FRMPD1: variants seen among roughly 807,000 people sequenced by gnomAD.
FRMPD1 encodes the protein FERM and PDZ domain-containing protein 1.
A neutral mutation model predicts 117.8 loss-of-function variants in FRMPD1; 76 were observed. That is an observed-to-expected ratio of 0.65 (90% CI 0.54 to 0.78). The LOEUF (loss-of-function observed/expected upper bound fraction) is 0.78. Ranked by LOEUF, FRMPD1 falls within the 30% of genes least tolerant of loss-of-function variation. The probability of loss-of-function intolerance (pLI) is 0.00; values close to 1 mark genes in which losing one functional copy is unlikely to be tolerated. For synonymous variants in FRMPD1, 783 were observed against 770.4 expected, an observed-to-expected ratio of 1.02 and a Z score of -0.27; for missense variants, 1,786 against 1,964.5, an observed-to-expected ratio of 0.91 and a Z score of 1.72.
In FRMPD1 at chr9:37,736,877, GTA is replaced by G. The variant is rs1554669318; in HGVS notation, c.1402-217_1402-216del. Among the ~76,000 whole-genome samples the G allele has an allele frequency of 6.2e-3, 864 of 138,546 alleles. 9 individuals carry two copies. The highest frequency in any genetic ancestry group is 0.022 in the African/African-American group (843 of 38,296). 90.9% of individuals were successfully genotyped at this position (138,546 alleles called of 152,430 possible). On this transcript the variant is annotated intron_variant, in intron 13 of 15. Coordinates refer to ENST00000377765, the MANE Select transcript of FRMPD1 (RefSeq NM_014907.3). ...CGTGAGAGTGTGTGTGTGTGTGTGT[GTA>G]TGTGTGCGCACACACACACGCGATG...
At chr9:37,670,441 A>C (rs1821312229) in intron 1 of FRMPD1, among the ~76,000 whole-genome samples, 1 of 152,226 alleles carries the variant, frequency 6.6e-6, no homozygotes, top group Admixed American at 6.5e-5. Context: ...ATTTAGACGA[A>C]GCTTAAAAGG....
chr9:37,695,212 A>T (rs1476735782), intron 2 of FRMPD1, among the ~76,000 whole-genome samples: 6 of 152,212 alleles, frequency 3.9e-5, no homozygotes, highest in African/African-American at 1.4e-4. Context: ...CTCTGTGTTT[A>T]GTCTTTTGAG....
intron 1 of FRMPD1, among the ~76,000 whole-genome samples, chr9:37,679,318 A>G (rs964156973): frequency 6.6e-6 from 1 of 152,104 alleles, no homozygotes; most frequent in African/African-American, 2.4e-5. Context: ...TAACCCCATC[A>G]CTTTTCTTTT....
At chr9:37,617,112 C>T in the FRMPD1 span, among the ~76,000 whole-genome samples, 8 of 152,358 alleles carry the variant, frequency 5.3e-5, no homozygotes, top group South Asian at 4.1e-4. Flanking sequence ...CTCTATCCTA[C>T]GCCCAAGAAA....
At chr9:37,709,336 G>T (rs1822825414) in intron 4 of FRMPD1, among the ~76,000 whole-genome samples, 1 of 143,536 alleles carries the variant, frequency 7.0e-6, no homozygotes, top group Non-Finnish European at 1.5e-5. Flanking sequence ...TCTGGCTTTG[G>T]GGTGGTATTA....
At chr9:37,708,105 T>C (rs1822779378) in intron 3 of FRMPD1, among the ~76,000 whole-genome samples, 2 of 152,322 alleles carry the variant, frequency 1.3e-5, no homozygotes, top group Admixed American at 6.5e-5. Context: ...TTTTTAGAGA[T>C]GAATGGAGTA....
In FRMPD1 at chr9:37,733,619, C is replaced by T. The variant is rs372911565; in HGVS notation, c.1122+20C>T. 5.9e-5 allele frequency: 95 copies of T among 1,612,794 alleles called. No homozygotes were observed. The highest frequency in any genetic ancestry group is 8.8e-5 in the South Asian group (8 of 90,922). Reference sequence around the variant, plus strand: ...CAGAAGGTAATGAAGGTGCCTCTGCCGACCCACTCAGCTGTCGTCTGTGAA... The same window carrying T: ...CAGAAGGTAATGAAGGTGCCTCTGCTGACCCACTCAGCTGTCGTCTGTGAA... On this transcript the variant is annotated intron_variant, in intron 11 of 15. Coordinates refer to ENST00000377765, the MANE Select transcript of FRMPD1 (RefSeq NM_014907.3).
upstream of FRMPD1, among the ~76,000 whole-genome samples, chr9:37,647,161 T>C (rs2119338709): frequency 6.6e-6 from 1 of 152,250 alleles, no homozygotes; most frequent in East Asian, 1.9e-4. Flanking sequence ...TATTAGATCA[T>C]TTGATGCTAT....
Position 37,746,293 on chromosome 9 carries a change from GGC to G in FRMPD1, c.4262_4263del (p.Gly1421ValfsTer71). On this transcript the variant is annotated frameshift_variant, in exon 16 of 16. Coordinates refer to ENST00000377765, the MANE Select transcript of FRMPD1 (RefSeq NM_014907.3). LOFTEE classifies it high-confidence loss of function. The stretch of plus-strand genomic sequence containing the variant: ...AGCCACCCCTGCCAGCACCCCTGAG[GGC>G]TTCATCCAACTCATGGAGAGCTTGC... The part of the protein sequence containing the change: ...LKATPASTPE[G>X]FIQLMESLLE... 1 of 1,612,768 alleles carries G rather than the reference GGC, an allele frequency of 6.2e-7. No homozygotes were observed. The highest frequency in any genetic ancestry group is 1.1e-5 in the South Asian group (1 of 91,068).
At chr9:37,608,676 A>G in the FRMPD1 span, among the ~76,000 whole-genome samples, 13 of 152,236 alleles carry the variant, frequency 8.5e-5, no homozygotes, top group African/African-American at 2.9e-4. Context: ...CATTCCTGGG[A>G]ATTGACACAG....
chr9:37,655,818 C>T (rs982571142), intron 1 of FRMPD1, among the ~76,000 whole-genome samples: 2 of 152,010 alleles, frequency 1.3e-5, no homozygotes, highest in East Asian at 3.9e-4. Flanking sequence ...ACTCTTAATC[C>T]CCCTAGCCTC....
chr9:37,654,782 A>G (rs1820789997), intron 1 of FRMPD1, among the ~76,000 whole-genome samples: 2 of 152,244 alleles, frequency 1.3e-5, no homozygotes, highest in South Asian at 4.1e-4. Flanking sequence ...CCTCACAGTT[A>G]TCGGGGAGAC....
chr9:37,712,016 G>A (rs762157271), intron 5 of FRMPD1, among the ~76,000 whole-genome samples: 2 of 152,136 alleles, frequency 1.3e-5, no homozygotes, highest in Non-Finnish European at 2.9e-5. Flanking sequence ...AATTTTCATT[G>A]TGAGAAATTT....
chr9:37,622,735 A>G, the FRMPD1 span, among the ~76,000 whole-genome samples: 1 of 152,318 alleles, frequency 6.6e-6, no homozygotes, highest in East Asian at 1.9e-4. Flanking sequence ...TTCTAAATTC[A>G]ATCACCCCAA....
chr9:37,699,894 T>G (rs1294212547), intron 2 of FRMPD1, among the ~76,000 whole-genome samples: 1 of 151,248 alleles, frequency 6.6e-6, no homozygotes, highest in African/African-American at 2.4e-5. Context: ...TGCACATGTA[T>G]GCATGCACGC....
the FRMPD1 span, among the ~76,000 whole-genome samples, chr9:37,608,781 T>G: frequency 6.6e-6 from 1 of 152,226 alleles, no homozygotes; most frequent in African/African-American, 2.4e-5. Flanking sequence ...GAATAATAGC[T>G]GAAATGTATT....
In FRMPD1 at chr9:37,745,716, A is replaced by G. The variant is rs1306286937; in HGVS notation, c.3684A>G (p.Ala1228=). The change falls in exon 16 of 16, where the codon GCA becomes GCG. Residue 1228 remains alanine (A), a synonymous_variant. Transcript: ENST00000377765. The part of the protein sequence containing the change: ...SPAVPPEGIK[A]EAPNHVTGQD... ...CCGTCCCTCCAGAGGGGATCAAGGC[A>G]GAGGCACCTAACCATGTGACAGGGC... 1.2e-6 allele frequency: 2 copies of G among 1,614,072 alleles called. No individual in the cohort carries two copies. The highest frequency in any genetic ancestry group is 1.7e-6 in the Non-Finnish European group (2 of 1,180,030).
chr9:37,666,223 T>C (rs1401495780), intron 1 of FRMPD1, among the ~76,000 whole-genome samples: 1 of 152,170 alleles, frequency 6.6e-6, no homozygotes, highest in African/African-American at 2.4e-5. Context: ...TTCACAGTTG[T>C]TCTGCGTTAC....
chr9:37,656,775 A>G (rs1820855842), intron 1 of FRMPD1, among the ~76,000 whole-genome samples: 1 of 152,168 alleles, frequency 6.6e-6, no homozygotes, highest in South Asian at 2.1e-4. Context: ...ATGAGGGCAG[A>G]AGCCATTATT....
Sources: allele counts gnomAD v4.1 joint callset (sites outside exome capture counted in the v4.1 genomes callset), GRCh38; gene constraint gnomAD v4.1.1; transcripts MANE v1.5; gene names NCBI Gene and HGNC (gene_info 2026-07-23, HGNC 2026-07-21).